The following CNTLN variants were observed in gnomAD, a reference collection of about 807,000 sequenced individuals.
CNTLN encodes the protein centlein, centrosomal protein.
A neutral mutation model predicts 180.0 loss-of-function variants in CNTLN; 212 were observed. That is an observed-to-expected ratio of 1.18 (90% CI 1.05 to 1.32). The LOEUF (loss-of-function observed/expected upper bound fraction) is 1.32, where lower values mean the gene tolerates loss of function less well. CNTLN is among the 40% of genes most tolerant of loss of function. CNTLN has a pLI of 0.00. For synonymous variants in CNTLN, 722 were observed against 563.1 expected, an observed-to-expected ratio of 1.28 and a Z score of -3.99; for missense variants, 2,095 against 1,610.9, an observed-to-expected ratio of 1.30 and a Z score of -5.14.
intron 12 of CNTLN, among the ~76,000 whole-genome samples, chr9:17,347,863 G>T (rs746136633): frequency 6.6e-6 from 1 of 151,724 alleles, no homozygotes; most frequent in African/African-American, 2.4e-5. Flanking sequence ...ACAGAGTCTC[G>T]CTCTGTCGCT....
chr9:17,404,692 C>T (rs780875125), intron 15 of CNTLN, among the ~76,000 whole-genome samples: 15 of 151,452 alleles, frequency 9.9e-5, no homozygotes, highest in Non-Finnish European at 1.5e-4. Flanking sequence ...TGTGTACAAT[C>T]CTTGTTTCAA....
chr9:17,352,884 A>C (rs1348858043), intron 12 of CNTLN, among the ~76,000 whole-genome samples: 2 of 152,222 alleles, frequency 1.3e-5, no homozygotes, highest in Non-Finnish European at 2.9e-5. Flanking sequence ...AGCCTGTGTC[A>C]AAAGTTCATT....
At position 17,378,400 on chromosome 9, in the gene CNTLN, C is replaced by A. The variant is rs561948002; in HGVS notation, c.1988-9762C>A. ...TTCACCATGTTGGCCAGGATGGTCT[C>A]GATCTCCTGATCTCGTGATCCACAT... On this transcript the variant is annotated intron_variant, in intron 13 of 25. Transcript: ENST00000380647. Among the ~76,000 whole-genome samples, 22 of 152,196 alleles carry A rather than the reference C, an allele frequency of 1.4e-4. No individual in the cohort carries two copies. In the East Asian group the frequency reaches 3.1e-3, roughly 21 times the overall value.
chr9:17,245,193 T>A (rs1410709101), intron 5 of CNTLN, among the ~76,000 whole-genome samples: 1 of 152,198 alleles, frequency 6.6e-6, no homozygotes, highest in Non-Finnish European at 1.5e-5. Flanking sequence ...TTATTTTCTT[T>A]CAAATTGAAG....
intron 13 of CNTLN, among the ~76,000 whole-genome samples, chr9:17,387,773 C>T (rs544255821): frequency 9.3e-4 from 142 of 151,976 alleles, no homozygotes; most frequent in Non-Finnish European, 1.4e-3. Context: ...CTGTGATCCT[C>T]CTGGCAGGGA....
chr9:17,427,691 T>A (rs1236540332), intron 18 of CNTLN, among the ~76,000 whole-genome samples: 1 of 152,208 alleles, frequency 6.6e-6, no homozygotes, highest in African/African-American at 2.4e-5. Context: ...CTAAGGCAAT[T>A]AAAACTACCA....
At chr9:17,189,816 C>G (rs1317485454) in intron 2 of CNTLN, among the ~76,000 whole-genome samples, 3 of 152,018 alleles carry the variant, frequency 2.0e-5, no homozygotes, top group African/African-American at 7.2e-5. Flanking sequence ...GTTCTGGGGA[C>G]TGTACTTAAT....
chr9:17,294,836 G>GGTGGGGGGAGTGGGCGA (rs1563967282), intron 6 of CNTLN, among the ~76,000 whole-genome samples: 2 of 26,898 alleles, frequency 7.4e-5, no homozygotes. Context: ...GGGCGGGGAG[G>GGTGGGGGGAGTGGGCGA]AGGGGGGAGG....
intron 18 of CNTLN, among the ~76,000 whole-genome samples, chr9:17,431,873 A>G (rs928461095): frequency 6.6e-6 from 1 of 152,228 alleles, no homozygotes; most frequent in Non-Finnish European, 1.5e-5. Context: ...CTTTAAAAAG[A>G]TAAAGGATCA....
intron 8 of CNTLN, among the ~76,000 whole-genome samples, chr9:17,310,121 C>A (rs1317912208): frequency 6.6e-6 from 1 of 151,934 alleles, no homozygotes; most frequent in East Asian, 1.9e-4. Flanking sequence ...TTGTTTAGTT[C>A]TTTATTATAA....
At chr9:17,313,369 GT>G (rs1819337654) in intron 8 of CNTLN, among the ~76,000 whole-genome samples, 2 of 151,048 alleles carry the variant, frequency 1.3e-5, no homozygotes, top group Non-Finnish European at 3.0e-5. Context: ...CCTGTTTTTC[GT>G]TTCTCTGCCT....
chr9:17,299,075 C>T (rs2132801778), intron 7 of CNTLN: 1 of 353,034 alleles, frequency 2.8e-6, no homozygotes, highest in East Asian at 1.7e-4. Context: ...AACCCTGTTT[C>T]TACTAAAAAT....
At chr9:17,421,962 A>G (rs369425648) in intron 18 of CNTLN, among the ~76,000 whole-genome samples, 1 of 152,088 alleles carries the variant, frequency 6.6e-6, no homozygotes, top group Non-Finnish European at 1.5e-5. Context: ...GTATTTGTGT[A>G]TGTACATGCT....
intron 18 of CNTLN, among the ~76,000 whole-genome samples, chr9:17,417,838 C>T (rs1828382904): frequency 6.6e-6 from 1 of 151,786 alleles, no homozygotes; most frequent in Admixed American, 6.6e-5. Flanking sequence ...AGGTGCCATA[C>T]TTGGTAGTAT....
At chr9:17,451,720 G>A (rs1366766445) in intron 18 of CNTLN, among the ~76,000 whole-genome samples, 1 of 152,160 alleles carries the variant, frequency 6.6e-6, no homozygotes, top group Non-Finnish European at 1.5e-5. Context: ...CCCTGATCCA[G>A]TGTCTCTGGC....
chr9:17,231,051 C>G (rs1375282358), intron 3 of CNTLN, among the ~76,000 whole-genome samples: 1 of 151,956 alleles, frequency 6.6e-6, no homozygotes, highest in Non-Finnish European at 1.5e-5. Context: ...CGTTGGTTTG[C>G]TGGATAGTCT....
In CNTLN at chr9:17,236,428, A is replaced by T; in HGVS notation, c.689A>T (p.Gln230Leu). 1 of 1,612,498 alleles carries T rather than the reference A, an allele frequency of 6.2e-7. No individual in the cohort carries two copies. Among genetic ancestry groups the T allele is most frequent in the Non-Finnish European group, 8.5e-7 (1 of 1,179,216 alleles). The change falls in exon 5 of 26, where the codon CAG (glutamine) becomes CTG (leucine). Residue 230 changes from glutamine to leucine, a missense_variant. Transcript: ENST00000380647. ...QEIKDTKECV[Q>L]NKEEQNRLVI... ...CTACAGGACACTAAGGAGTGTGTAC[A>T]GAACAAAGAAGAGCAAAACAGACTA...
At chr9:17,140,121 G>C (rs1817982103) in intron 1 of CNTLN, among the ~76,000 whole-genome samples, 1 of 152,076 alleles carries the variant, frequency 6.6e-6, no homozygotes, top group African/African-American at 2.4e-5. Context: ...TTGGAAACTA[G>C]TTCTGTGTTT....
chr9:17,326,041 G>A (rs1017057453), intron 8 of CNTLN, among the ~76,000 whole-genome samples: 41 of 151,908 alleles, frequency 2.7e-4, no homozygotes, highest in African/African-American at 9.7e-4. Flanking sequence ...AACACCTAAA[G>A]GCCCTTCCCC....
Sources: allele counts gnomAD v4.1 joint callset (sites outside exome capture counted in the v4.1 genomes callset), GRCh38; gene constraint gnomAD v4.1.1; transcripts MANE v1.5; gene names NCBI Gene and HGNC (gene_info 2026-07-23, HGNC 2026-07-21).